The following SPAG16 variants were observed in gnomAD, a reference collection of about 807,000 sequenced individuals.
The protein encoded by SPAG16 is sperm-associated antigen 16 protein.
In SPAG16, 86 loss-of-function variants were observed where a neutral mutation model predicts 80.4. The ratio of observed to expected loss-of-function variants is 1.07; its 90% confidence interval spans 0.90 to 1.28. The LOEUF is 1.28. SPAG16 is among the 50% of genes most tolerant of loss of function. The pLI is 0.00. For missense variants in SPAG16, 870 were observed against 765.3 expected (o/e 1.14, Z -1.61); for synonymous variants, 294 against 265.9 (o/e 1.11, Z -1.03).
rs1366339521 is a variant in SPAG16 at position 213,537,162 on chromosome 2, C to T, written c.1070+47072C>T. Among the ~76,000 whole-genome samples, 834 of 97,428 alleles carry T rather than the reference C, an allele frequency of 8.6e-3. 18 individuals are homozygous for T. The highest frequency in any genetic ancestry group is 0.033 in the African/African-American group (792 of 23,688). 63.9% of individuals were successfully genotyped at this position (97,428 alleles called of 152,430 possible). On this transcript the variant is annotated intron_variant, in intron 10 of 15. Coordinates refer to ENST00000331683, the MANE Select transcript of SPAG16 (RefSeq NM_024532.5). ...GAACATCACACTCTGGGGACTGTTGCGGGGTGGGGGGAGGGGGGAGGGATA... is the reference window on the plus strand; with the variant it reads ...GAACATCACACTCTGGGGACTGTTGTGGGGTGGGGGGAGGGGGGAGGGATA...
intron 12 of SPAG16, among the ~76,000 whole-genome samples, chr2:213,931,466 T>A (rs1352882399): frequency 6.6e-6 from 1 of 152,232 alleles, no homozygotes; most frequent in African/African-American, 2.4e-5. Context: ...CATAAATATT[T>A]TTATAATAGA....
intron 15 of SPAG16, among the ~76,000 whole-genome samples, chr2:214,177,999 ATATATATATATATT>A (rs1559108389): frequency 6.2e-5 from 4 of 64,520 alleles, no homozygotes; most frequent in Non-Finnish European, 1.9e-4. Context: ...ATATATATAT[ATATATATATATATT>A]CATACTTTAT....
chr2:213,785,737 C>T, intron 10 of SPAG16, among the ~76,000 whole-genome samples: 2 of 152,044 alleles, frequency 1.3e-5, no homozygotes. Flanking sequence ...AGAAGTTTAG[C>T]CAGGCGCAGT....
intron 7 of SPAG16, among the ~76,000 whole-genome samples, chr2:213,363,143 A>G: frequency 6.6e-6 from 1 of 152,114 alleles, no homozygotes; most frequent in East Asian, 1.9e-4. Flanking sequence ...TTGGTTCATT[A>G]TTTGTGAAAA....
chr2:213,982,418 A>G (rs1313864460), intron 12 of SPAG16, among the ~76,000 whole-genome samples: 3 of 152,036 alleles, frequency 2.0e-5, no homozygotes, highest in African/African-American at 4.8e-5. Flanking sequence ...GAATTATGTT[A>G]TGATTTTATT....
chr2:213,537,018 T>C (rs1360403635), intron 10 of SPAG16, among the ~76,000 whole-genome samples: 2 of 152,150 alleles, frequency 1.3e-5, no homozygotes, highest in East Asian at 1.9e-4. Context: ...TGTAGGTACA[T>C]GGATGAAATT....
chr2:213,771,861 A>G (rs1377000264), intron 10 of SPAG16, among the ~76,000 whole-genome samples: 1 of 152,158 alleles, frequency 6.6e-6, no homozygotes, highest in African/African-American at 2.4e-5. Context: ...GCCTTGTAAT[A>G]TAGTTTGAAG....
intron 15 of SPAG16, among the ~76,000 whole-genome samples, chr2:214,376,356 T>C (rs960706324): frequency 4.6e-5 from 7 of 152,154 alleles, no homozygotes; most frequent in African/African-American, 1.7e-4. Context: ...TAGTAAACAT[T>C]GGTTAAATAA....
intron 15 of SPAG16, among the ~76,000 whole-genome samples, chr2:214,394,616 T>C (rs1297856535): frequency 6.6e-6 from 1 of 152,156 alleles, no homozygotes; most frequent in Non-Finnish European, 1.5e-5. Flanking sequence ...CACAGAAAAA[T>C]TGAAAGTACA....
At chr2:213,790,067 T>C (rs2070593769) in intron 10 of SPAG16, among the ~76,000 whole-genome samples, 1 of 151,930 alleles carries the variant, frequency 6.6e-6, no homozygotes, top group Admixed American at 6.6e-5. Context: ...GCTATTTTAG[T>C]TACCTTCTAA....
chr2:213,378,164 A>G (rs1173394803), intron 9 of SPAG16, among the ~76,000 whole-genome samples: 1 of 151,970 alleles, frequency 6.6e-6, no homozygotes, highest in Non-Finnish European at 1.5e-5. Context: ...TTTATATCCT[A>G]GCTACACTAG....
chr2:213,791,262 T>A (rs1164251055), intron 10 of SPAG16, among the ~76,000 whole-genome samples: 2 of 151,202 alleles, frequency 1.3e-5, no homozygotes, highest in Non-Finnish European at 3.0e-5. Flanking sequence ...AGTGAAAAAA[T>A]AAATTCCTCA....
chr2:214,268,200 C>T (rs749683100), intron 15 of SPAG16, among the ~76,000 whole-genome samples: 6 of 151,632 alleles, frequency 4.0e-5, no homozygotes, highest in Non-Finnish European at 7.4e-5. Context: ...AAAAGGGAAC[C>T]CTCATACACT....
intron 9 of SPAG16, among the ~76,000 whole-genome samples, chr2:213,427,319 T>G (rs1177304272): frequency 1.3e-5 from 2 of 152,196 alleles, no homozygotes. Context: ...CCCAAAACTT[T>G]TAGCATCTTT....
At chr2:213,871,879 C>G (rs201315035) in intron 11 of SPAG16, among the ~76,000 whole-genome samples, 21 of 35,326 alleles carry the variant, frequency 5.9e-4, no homozygotes, top group East Asian at 2.2e-3. Flanking sequence ...CACACACACA[C>G]AGAGAGAGAG....
chr2:213,627,236 G>A (rs2061993178), intron 10 of SPAG16, among the ~76,000 whole-genome samples: 1 of 152,194 alleles, frequency 6.6e-6, no homozygotes, highest in Non-Finnish European at 1.5e-5. Context: ...CTGCATGGCA[G>A]AGAGCGTTCC....
intron 6 of SPAG16, among the ~76,000 whole-genome samples, chr2:213,346,841 C>CT (rs143136815): frequency 6.6e-6 from 1 of 150,432 alleles, no homozygotes; most frequent in African/African-American, 2.4e-5. Context: ...CTAAAATTCT[C>CT]TTTTTTTTTT....
intron 10 of SPAG16, among the ~76,000 whole-genome samples, chr2:213,731,448 C>A (rs1200867445): frequency 6.8e-6 from 1 of 146,754 alleles, no homozygotes; most frequent in African/African-American, 2.5e-5. Context: ...GCGTGAGCCA[C>A]CATGTCCAGC....
At chr2:213,410,332 C>A (rs1218390384) in intron 9 of SPAG16, among the ~76,000 whole-genome samples, 1 of 152,206 alleles carries the variant, frequency 6.6e-6, no homozygotes, top group Admixed American at 6.5e-5. Context: ...AAGGAACTTA[C>A]CAGGTCAAAG....
Sources: gnomAD v4.1 joint callset for allele counts (sites outside exome capture counted in the v4.1 genomes callset) on GRCh38, gnomAD v4.1.1 for gene constraint, MANE v1.5 for transcripts, NCBI Gene and HGNC (gene_info 2026-07-23, HGNC 2026-07-21) for gene names.